TTC28: variants seen among roughly 807,000 people sequenced by gnomAD.
TTC28 encodes the protein tetratricopeptide repeat domain 28, also known as tetratricopeptide repeat protein 28.
Under a neutral mutation model 198.0 loss-of-function variants are expected in TTC28, and 61 were observed. The observed-to-expected ratio is 0.31, with a 90% CI of 0.25 to 0.38. The LOEUF is 0.38. Among genes scored for constraint, TTC28 ranks in the 10% least tolerant of loss-of-function variants. The pLI is 1.00. For synonymous variants in TTC28, 1,171 were observed against 1,297.8 expected (o/e 0.90, Z 2.10); for missense variants, 2,678 against 3,164.0 (o/e 0.85, Z 3.69).
At chr22:28,456,789 T>C (rs968198912) in intron 2 of TTC28, among the ~76,000 whole-genome samples, 1 of 152,206 alleles carries the variant, frequency 6.6e-6, no homozygotes, top group Non-Finnish European at 1.5e-5. Flanking sequence ...TTGGCCAGGA[T>C]GGTCTCAATC....
At position 28,444,597 on chromosome 22, in the gene TTC28, T is replaced by C. The variant is rs140544977; in HGVS notation, c.382-137954A>G. On this transcript the variant is annotated intron_variant, in intron 2 of 22. Transcript: ENST00000397906. Reference sequence around the variant, plus strand: ...GCCTACATTCATTATCTCACAGCCCTGCAAGGAAGGTCTTACAGTTCCATT... The same window carrying C: ...GCCTACATTCATTATCTCACAGCCCCGCAAGGAAGGTCTTACAGTTCCATT... Among the ~76,000 whole-genome samples the C allele has an allele frequency of 1.4e-3, 215 of 152,284 alleles. 1 individual carries two copies. The highest frequency in any genetic ancestry group is 4.8e-3 in the African/African-American group (200 of 41,560).
chr22:28,568,302 A>G (rs1000696995), intron 2 of TTC28, among the ~76,000 whole-genome samples: 1 of 152,232 alleles, frequency 6.6e-6, no homozygotes, highest in Non-Finnish European at 1.5e-5. Flanking sequence ...TTGTTGCACA[A>G]TAATGTGAAT....
rs540880693 is a variant in TTC28, at chr22:28,604,453, G to C, written c.381+25099C>G. Among the ~76,000 whole-genome samples the C allele has an allele frequency of 1.7e-4, 25 of 151,146 alleles. No individual in the cohort carries two copies. The South Asian group carries it at 5.2e-3, about 32-fold the overall frequency. ...ATAATTTTCTCGTTTCATTAAGATA[G>C]AAAATGCTGGCCGGGCACAGTGGCT... On this transcript the variant is annotated intron_variant, in intron 2 of 22. Coordinates refer to ENST00000397906, the MANE Select transcript of TTC28 (RefSeq NM_001145418.2).
chr22:28,591,058 T>G lies in TTC28; in HGVS notation c.381+38494A>C, dbSNP rs868760754. Among the ~76,000 whole-genome samples, 122 of 120,998 alleles carry G rather than the reference T, an allele frequency of 1.0e-3. 2 individuals are homozygous for G. Among genetic ancestry groups the G allele is most frequent in the African/African-American group, 4.4e-3 (119 of 27,192 alleles). 79.4% of individuals were successfully genotyped at this position (120,998 alleles called of 152,430 possible). ...ACACACACATATATATATATATATA[T>G]ATATATATATATATATATATATATA... is the stretch of plus-strand genomic sequence containing the variant. On this transcript the variant is annotated intron_variant, in intron 2 of 22. Coordinates refer to ENST00000397906, the MANE Select transcript of TTC28 (RefSeq NM_001145418.2).
At chr22:28,611,191 T>C (rs1239035214) in intron 2 of TTC28, among the ~76,000 whole-genome samples, 2 of 152,078 alleles carry the variant, frequency 1.3e-5, no homozygotes, top group Non-Finnish European at 2.9e-5. Context: ...CAGACCAACA[T>C]TCAAATTCAG....
Position 28,201,474 on chromosome 22 carries a change from A to G in TTC28, c.934-37875T>C, listed in dbSNP as rs926378633. Among the ~76,000 whole-genome samples the G allele has an allele frequency of 2.0e-5, 3 of 152,224 alleles. No homozygotes were observed. In the South Asian group the frequency reaches 6.2e-4, roughly 32 times the overall value. On this transcript the variant is annotated intron_variant, in intron 5 of 22. Transcript: ENST00000397906. ...TTAAAATGAAACCTGAAGAATCAGT[A>G]AGAATTAGAAAGGATACTTAGAGCA...
intron 2 of TTC28, among the ~76,000 whole-genome samples, chr22:28,606,023 A>G (rs1324764611): frequency 6.6e-6 from 1 of 152,164 alleles, no homozygotes; most frequent in Non-Finnish European, 1.5e-5. Flanking sequence ...GAATCCTTCT[A>G]TAATGTATAC....
chr22:28,051,258 G>A lies in TTC28; in HGVS notation c.3933-20892C>T, dbSNP rs894372038. Among the ~76,000 whole-genome samples the A allele has an allele frequency of 5.3e-5, 8 of 152,318 alleles. No individual in the cohort carries two copies. In the East Asian group the frequency reaches 1.5e-3, roughly 29 times the overall value. On this transcript the variant is annotated intron_variant, in intron 12 of 22. Transcript: ENST00000397906. ...AGGCTCCTGGCAGGAATCACGGAAA[G>A]CCTTTGCAATCCCCCATCTCTGATG...
chr22:28,173,526 TTTCTC>T (rs767916542), intron 5 of TTC28, among the ~76,000 whole-genome samples: 205 of 152,330 alleles, frequency 1.3e-3, no homozygotes, highest in Middle Eastern at 3.4e-3. Flanking sequence ...AGACAACACT[TTTCTC>T]TTTCTACAAG....
intron 2 of TTC28, among the ~76,000 whole-genome samples, chr22:28,536,198 C>CA (rs59506221): frequency 0.055 from 3,545 of 64,138 alleles, 222 homozygotes; most frequent in East Asian, 0.16. Context: ...GACACCGTCT[C>CA]AAAAAAAAAA....
At chr22:27,984,939 C>T (rs1937159282) in intron 22 of TTC28, among the ~76,000 whole-genome samples, 2 of 152,216 alleles carry the variant, frequency 1.3e-5, no homozygotes, top group Admixed American at 6.5e-5. Flanking sequence ...CCGCTCCGGT[C>T]AGGCCCTGTG....
chr22:28,374,472 C>T (rs1446444303), intron 2 of TTC28, among the ~76,000 whole-genome samples: 1 of 151,966 alleles, frequency 6.6e-6, no homozygotes, highest in Non-Finnish European at 1.5e-5. Context: ...AATGTAGACA[C>T]AAATAAAATA....
intron 2 of TTC28, among the ~76,000 whole-genome samples, chr22:28,527,066 G>A (rs886550422): frequency 6.6e-6 from 1 of 152,050 alleles, no homozygotes; most frequent in East Asian, 1.9e-4. Flanking sequence ...CCTATTCTAG[G>A]TTTTCTACCT....
At chr22:28,153,183 T>C (rs1298599591) in intron 6 of TTC28, among the ~76,000 whole-genome samples, 4 of 152,018 alleles carry the variant, frequency 2.6e-5, no homozygotes, top group African/African-American at 9.6e-5. Flanking sequence ...ACCCTTGACT[T>C]AGAACAGCTG....
intron 5 of TTC28, among the ~76,000 whole-genome samples, chr22:28,238,075 T>C (rs1413071718): frequency 6.6e-6 from 1 of 152,180 alleles, no homozygotes; most frequent in African/African-American, 2.4e-5. Flanking sequence ...TTGTGCCTAG[T>C]TGTGACTTAC....
intron 15 of TTC28, chr22:28,001,155 TC>T: frequency 1.9e-6 from 1 of 538,870 alleles, no homozygotes; most frequent in Non-Finnish European, 3.2e-6. Flanking sequence ...AACTGTGGCT[TC>T]CCAAGGCAGC....
At chr22:28,015,712 C>T (rs1229660570) in intron 13 of TTC28, among the ~76,000 whole-genome samples, 1 of 152,012 alleles carries the variant, frequency 6.6e-6, no homozygotes, top group Non-Finnish European at 1.5e-5. Context: ...AGACGTGAGA[C>T]ACCACACCCC....
At chr22:28,042,374 T>C (rs955487265) in intron 12 of TTC28, among the ~76,000 whole-genome samples, 1 of 152,080 alleles carries the variant, frequency 6.6e-6, no homozygotes, top group Non-Finnish European at 1.5e-5. Flanking sequence ...ATGTGGCACA[T>C]ATACACCATG....
At chr22:28,021,253 GGGA>G (rs1938582922) in intron 13 of TTC28, among the ~76,000 whole-genome samples, 1 of 152,182 alleles carries the variant, frequency 6.6e-6, no homozygotes, top group Non-Finnish European at 1.5e-5. Context: ...CCAGATGGCT[GGGA>G]GGAGGGAACA....
Sources: allele counts gnomAD v4.1 joint callset (sites outside exome capture counted in the v4.1 genomes callset), GRCh38; gene constraint gnomAD v4.1.1; transcripts MANE v1.5; gene names NCBI Gene and HGNC (gene_info 2026-07-23, HGNC 2026-07-21).